Variants in KIRREL1 observed in about 807,000 individuals in gnomAD.
KIRREL1 encodes kin of IRRE-like protein 1.
Under a neutral mutation model 83.3 loss-of-function variants are expected in KIRREL1, and 25 were observed. The ratio of observed to expected loss-of-function variants is 0.30; its 90% confidence interval spans 0.22 to 0.42. KIRREL1 has a LOEUF of 0.42. Among genes scored for constraint, KIRREL1 ranks in the 10% least tolerant of loss-of-function variants. The probability of loss-of-function intolerance (pLI) is 1.00; values close to 1 mark genes in which losing one functional copy is unlikely to be tolerated. For missense variants in KIRREL1, 812 were observed against 1,032.3 expected (o/e 0.79, Z 2.92); for synonymous variants, 388 against 410.4 (o/e 0.95, Z 0.66).
intron 8 of KIRREL1, among the ~76,000 whole-genome samples, chr1:158,088,959 G>T (rs1662107875): frequency 6.6e-6 from 1 of 152,024 alleles, no homozygotes; most frequent in Non-Finnish European, 1.5e-5. Context: ...AGAAGCACTG[G>T]GGGGACAAAC....
At chr1:158,087,583 G>C (rs1292979768) in intron 5 of KIRREL1, among the ~76,000 whole-genome samples, 172 bp from the exon 6 acceptor site, 1 of 152,096 alleles carries the variant, frequency 6.6e-6, no homozygotes, top group African/African-American at 2.4e-5. Flanking sequence ...GCCCCCTAGA[G>C]GCTCCATGTG....
At chr1:158,027,769 C>T (rs1660212509) in intron 1 of KIRREL1, among the ~76,000 whole-genome samples, 1 of 152,188 alleles carries the variant, frequency 6.6e-6, no homozygotes, top group Non-Finnish European at 1.5e-5. Context: ...ATAGTAGGTC[C>T]TCAATATGTT....
At chr1:158,010,326 A>AACACACACACAC (rs56353855) in intron 1 of KIRREL1, among the ~76,000 whole-genome samples, 98 of 72,226 alleles carry the variant, frequency 1.4e-3, no homozygotes, top group Non-Finnish European at 2.7e-3. Flanking sequence ...CCCCACCATA[A>AACACACACACAC]ACACACACAC....
Position 158,085,063 on chromosome 1 carries a change from C to T in KIRREL1, c.510+484C>T, listed in dbSNP as rs1158971052. On this transcript the variant is annotated intron_variant, in intron 4 of 14. Coordinates refer to ENST00000359209, the MANE Select transcript of KIRREL1 (RefSeq NM_018240.7). ...GATCACTTCTACCTCTTTCCTTCAG[C>T]GTCTGGTTGTCAGATTATTCCAGTC... 2.0e-5 allele frequency among the ~76,000 whole-genome samples: 3 copies of T among 152,180 alleles called. No individual in the cohort carries two copies. In the East Asian group the frequency reaches 5.8e-4, roughly 29 times the overall value.
At chr1:158,081,028 G>GC (rs1479610548) in intron 3 of KIRREL1, among the ~76,000 whole-genome samples, 1 of 114,130 alleles carries the variant, frequency 8.8e-6, no homozygotes, top group Non-Finnish European at 2.1e-5. Context: ...CCCCTCAGCA[G>GC]CCCCCCAGCT....
chr1:158,048,049 A>G (rs889719975), intron 1 of KIRREL1, among the ~76,000 whole-genome samples: 2 of 152,112 alleles, frequency 1.3e-5, no homozygotes, highest in Admixed American at 6.5e-5. Context: ...CTTACATCAC[A>G]TTCTCTTACT....
intron 3 of KIRREL1, among the ~76,000 whole-genome samples, chr1:158,082,102 T>C (rs915796565): frequency 3.9e-5 from 6 of 152,046 alleles, no homozygotes; most frequent in Non-Finnish European, 8.8e-5. Context: ...CCATCTGGCA[T>C]TGGAACCAGA....
Position 158,097,120 on chromosome 1 carries a change from G to A in KIRREL1, c.*2000G>A, listed in dbSNP as rs1267907006. On this transcript the variant is annotated 3_prime_UTR_variant, in exon 15 of 15. Transcript: ENST00000359209. ...GTGGGCCCTATCTGGGGCATTTACA[G>A]GCTTCCAGCTGTATTCCATCCCTGG... is the stretch of plus-strand genomic sequence containing the variant. 1.1e-5 allele frequency: 5 copies of A among 455,764 alleles called. No individual in the cohort carries two copies. In the Admixed American group the frequency reaches 1.2e-4, roughly 11 times the overall value. 28.2% of individuals were successfully genotyped at this position (455,764 alleles called of 1,614,324 possible).
chr1:158,019,862 A>G (rs1407383950), intron 1 of KIRREL1, among the ~76,000 whole-genome samples: 1 of 152,148 alleles, frequency 6.6e-6, no homozygotes, highest in Non-Finnish European at 1.5e-5. Flanking sequence ...GGCCCCAAGC[A>G]TAACACCCCC....
chr1:158,017,192 G>A (rs1368890749), intron 1 of KIRREL1, among the ~76,000 whole-genome samples: 1 of 152,074 alleles, frequency 6.6e-6, no homozygotes, highest in Non-Finnish European at 1.5e-5. Flanking sequence ...ATCTCCCTGG[G>A]CAAGTTCTCC....
At chr1:158,030,434 C>T (rs1210053346) in intron 1 of KIRREL1, among the ~76,000 whole-genome samples, 1 of 152,206 alleles carries the variant, frequency 6.6e-6, no homozygotes, top group Non-Finnish European at 1.5e-5. Context: ...TATAGGACTT[C>T]TCTGGAGAGC....
At chr1:158,082,369 G>A (rs1355119744) in intron 3 of KIRREL1, among the ~76,000 whole-genome samples, 1 of 151,974 alleles carries the variant, frequency 6.6e-6, no homozygotes, top group Admixed American at 6.6e-5. Flanking sequence ...AGATCACACA[G>A]CAGGTAAACA....
In KIRREL1 at chr1:158,030,174, C is replaced by CCAG. The variant is rs149044378; in HGVS notation, c.52+36448_52+36450dup. Among the ~76,000 whole-genome samples the CCAG allele has an allele frequency of 5.8e-3, 882 of 152,258 alleles. 1 individual carries two copies. The highest frequency in any genetic ancestry group is 0.013 in the African/African-American group (527 of 41,530). On this transcript the variant is annotated intron_variant, in intron 1 of 14. Transcript: ENST00000359209. ...GAACCCACATCTTCCTGTTAGTACCCCAGCTTGTTGTATTTCATGTTTCAC... is the reference window on the plus strand; with the variant it reads ...GAACCCACATCTTCCTGTTAGTACCCCAGCAGCTTGTTGTATTTCATGTTTCAC...
intron 1 of KIRREL1, among the ~76,000 whole-genome samples, chr1:158,069,975 T>G (rs895659241): frequency 1.2e-4 from 19 of 152,190 alleles, no homozygotes; most frequent in African/African-American, 4.6e-4. Flanking sequence ...CACCAAAACC[T>G]CTCTGGATGC....
intron 1 of KIRREL1, among the ~76,000 whole-genome samples, chr1:158,058,378 T>G (rs1321726894): frequency 6.6e-6 from 1 of 152,144 alleles, no homozygotes; most frequent in Non-Finnish European, 1.5e-5. Context: ...TAAAAATCCT[T>G]CATTATTATT....
At chr1:158,074,042 G>A (rs531468908) in intron 1 of KIRREL1, among the ~76,000 whole-genome samples, 19 of 152,320 alleles carry the variant, frequency 1.2e-4, no homozygotes, top group African/African-American at 4.3e-4. Flanking sequence ...CTGCACTAGA[G>A]AAATGCGCAA....
At chr1:158,054,164 G>A (rs1273006432) in intron 1 of KIRREL1, among the ~76,000 whole-genome samples, 1 of 136,542 alleles carries the variant, frequency 7.3e-6, no homozygotes. Flanking sequence ...AGTGAGCTGA[G>A]ATCGTGTCAC....
intron 1 of KIRREL1, among the ~76,000 whole-genome samples, chr1:158,054,582 T>C (rs1661001405): frequency 6.6e-6 from 1 of 152,118 alleles, no homozygotes; most frequent in African/African-American, 2.4e-5. Flanking sequence ...ATCTTCCATG[T>C]CTTCTGTCCA....
chr1:158,088,240 G>A (rs1453685027), intron 7 of KIRREL1, 86 bp downstream of exon 7: 20 of 1,604,842 alleles, frequency 1.2e-5, no homozygotes, highest in Non-Finnish European at 1.6e-5. Flanking sequence ...CTCCATGAAT[G>A]GGGAGGTAGC....
Sources: gnomAD v4.1 joint callset for allele counts (sites outside exome capture counted in the v4.1 genomes callset) on GRCh38, gnomAD v4.1.1 for gene constraint, MANE v1.5 for transcripts, NCBI Gene and HGNC (gene_info 2026-07-23, HGNC 2026-07-21) for gene names.